SLC24A3: variants seen among roughly 807,000 people sequenced by gnomAD.
SLC24A3 encodes solute carrier family 24 member 3.
In SLC24A3, 28 loss-of-function variants were observed where a neutral mutation model predicts 75.8. That is an observed-to-expected ratio of 0.37 (90% CI 0.27 to 0.51). The LOEUF is 0.51. SLC24A3 is among the 20% of genes least tolerant of loss of function. The probability of loss-of-function intolerance (pLI) is 0.94; values close to 1 mark genes in which losing one functional copy is unlikely to be tolerated. For missense variants in SLC24A3, 663 were observed against 847.8 expected (o/e 0.78, Z 2.71); for synonymous variants, 372 against 334.1 (o/e 1.11, Z -1.24).
chr20:19,298,596 G>T (rs996588182), intron 2 of SLC24A3, among the ~76,000 whole-genome samples: 1 of 151,534 alleles, frequency 6.6e-6, no homozygotes, highest in Non-Finnish European at 1.5e-5. Flanking sequence ...AAGGAAAGAT[G>T]AAGCTCAAAA....
intron 6 of SLC24A3, among the ~76,000 whole-genome samples, chr20:19,633,279 T>C (rs949036178): frequency 1.3e-5 from 2 of 152,228 alleles, no homozygotes; most frequent in Admixed American, 1.3e-4. Flanking sequence ...CCTTGCATTG[T>C]AGATGGCTGT....
At chr20:19,608,079 A>C (rs950737086) in intron 6 of SLC24A3, among the ~76,000 whole-genome samples, 5 of 152,162 alleles carry the variant, frequency 3.3e-5, no homozygotes, top group African/African-American at 9.7e-5. Context: ...TTGTCCTTCA[A>C]ATCTGTAGTC....
intron 3 of SLC24A3, among the ~76,000 whole-genome samples, chr20:19,519,342 T>C (rs1265340408): frequency 1.3e-5 from 2 of 152,236 alleles, no homozygotes; most frequent in African/African-American, 4.8e-5. Flanking sequence ...TTCTTGTAGA[T>C]ACTTCCCTGT....
intron 6 of SLC24A3, among the ~76,000 whole-genome samples, chr20:19,593,432 G>T (rs1013477545): frequency 2.6e-5 from 4 of 152,230 alleles, no homozygotes; most frequent in Admixed American, 2.6e-4. Context: ...GCAGATGCTT[G>T]TTTTATTTAT....
chr20:19,686,865 A>G (rs1205176864), intron 12 of SLC24A3, among the ~76,000 whole-genome samples: 1 of 152,250 alleles, frequency 6.6e-6, no homozygotes, highest in Non-Finnish European at 1.5e-5. Context: ...TTAGTACATT[A>G]TCTTCATAGA....
intron 3 of SLC24A3, among the ~76,000 whole-genome samples, chr20:19,566,540 A>G (rs879482803): frequency 4.6e-5 from 7 of 152,222 alleles, no homozygotes; most frequent in Admixed American, 4.6e-4. Flanking sequence ...GGGGATAAAG[A>G]ACCTCAATCA....
chr20:19,461,038 C>T (rs1051225236), intron 2 of SLC24A3, among the ~76,000 whole-genome samples: 6 of 152,192 alleles, frequency 3.9e-5, no homozygotes, highest in African/African-American at 1.2e-4. Context: ...GGCATCTTCC[C>T]ATAGCACATT....
chr20:19,689,080 A>G (rs2032715380), intron 12 of SLC24A3, among the ~76,000 whole-genome samples: 2 of 152,356 alleles, frequency 1.3e-5, no homozygotes, highest in South Asian at 4.1e-4. Flanking sequence ...GACAGACAGC[A>G]AAAGAAACCT....
intron 6 of SLC24A3, among the ~76,000 whole-genome samples, chr20:19,653,068 C>T (rs188898472): frequency 1.8e-4 from 28 of 152,296 alleles, no homozygotes; most frequent in African/African-American, 6.7e-4. Context: ...AGTGGACCTA[C>T]ACTGTAAACA....
intron 3 of SLC24A3, among the ~76,000 whole-genome samples, chr20:19,558,736 A>G (rs1468949310): frequency 6.6e-6 from 1 of 152,166 alleles, no homozygotes; most frequent in Non-Finnish European, 1.5e-5. Context: ...CATGGTGTTG[A>G]TATGCCTTAT....
rs191013511 is a variant in SLC24A3 at position 19,298,889 on chromosome 20, T to C, written c.271+17802T>C. 2.8e-4 allele frequency among the ~76,000 whole-genome samples: 43 copies of C among 152,276 alleles called. No homozygotes were observed. In the East Asian group the frequency reaches 7.9e-3, roughly 28 times the overall value. On this transcript the variant is annotated intron_variant, in intron 2 of 16. Coordinates refer to ENST00000328041, the MANE Select transcript of SLC24A3 (RefSeq NM_020689.4). ...GGAGCTGGGGTATTTATACACCACT[T>C]CCACCAGTCATGGGTTGGGGGCTGT...
intron 15 of SLC24A3, among the ~76,000 whole-genome samples, chr20:19,708,512 C>G (rs751909451): frequency 3.3e-5 from 5 of 152,194 alleles, no homozygotes; most frequent in Non-Finnish European, 5.9e-5. Context: ...TCCCACGCCC[C>G]CAGGGACAGT....
chr20:19,437,625 A>G (rs543463121), intron 2 of SLC24A3, among the ~76,000 whole-genome samples: 1 of 152,212 alleles, frequency 6.6e-6, no homozygotes, highest in South Asian at 2.1e-4. Context: ...AGGCTTATCC[A>G]GGCCAATTGA....
intron 2 of SLC24A3, among the ~76,000 whole-genome samples, chr20:19,403,732 G>A (rs1328136635): frequency 1.3e-5 from 2 of 152,082 alleles, no homozygotes; most frequent in Non-Finnish European, 2.9e-5. Flanking sequence ...CAGGTAGAGG[G>A]AACAGCATGC....
intron 12 of SLC24A3, among the ~76,000 whole-genome samples, chr20:19,686,766 G>A (rs6035409): frequency 0.8 from 122,237 of 152,086 alleles, 49,277 homozygotes; most frequent in Non-Finnish European, 0.84. Flanking sequence ...CAAGATCTCA[G>A]CCTCTTCAAG....
chr20:19,605,178 A>C (rs2031579878), intron 6 of SLC24A3, among the ~76,000 whole-genome samples: 1 of 152,226 alleles, frequency 6.6e-6, no homozygotes, highest in Admixed American at 6.5e-5. Context: ...GGGATGGTCA[A>C]AGATCAAGCA....
At chr20:19,677,392 C>T (rs1535246) in intron 9 of SLC24A3, among the ~76,000 whole-genome samples, 2 of 151,914 alleles carry the variant, frequency 1.3e-5, no homozygotes, top group African/African-American at 4.8e-5. Context: ...CTTTCCCTGT[C>T]GCTCTACAGG....
chr20:19,344,337 G>A (rs1374739589), intron 2 of SLC24A3, among the ~76,000 whole-genome samples: 2 of 152,206 alleles, frequency 1.3e-5, no homozygotes, highest in African/African-American at 4.8e-5. Flanking sequence ...GTACTTGCGA[G>A]CATTCTGAAT....
chr20:19,641,889 A>G (rs1258494895), intron 6 of SLC24A3, among the ~76,000 whole-genome samples: 4 of 152,174 alleles, frequency 2.6e-5, no homozygotes, highest in African/African-American at 9.7e-5. Flanking sequence ...ATCTGTACTT[A>G]ACAAAGACAC....
Sources: allele counts gnomAD v4.1 joint callset (sites outside exome capture counted in the v4.1 genomes callset), GRCh38; gene constraint gnomAD v4.1.1; transcripts MANE v1.5; gene names NCBI Gene and HGNC (gene_info 2026-07-23, HGNC 2026-07-21).